ERBIN: variants seen among roughly 807,000 people sequenced by gnomAD.
ERBIN encodes the protein densin-180-like protein.
A neutral mutation model predicts 158.4 loss-of-function variants in ERBIN; 60 were observed. The ratio of observed to expected loss-of-function variants is 0.38; its 90% CI spans 0.31 to 0.47. The LOEUF is 0.47. ERBIN is among the 20% of genes least tolerant of loss of function. The pLI is 0.99. For synonymous variants in ERBIN, 594 were observed against 557.2 expected (o/e 1.07, Z -0.93); for missense variants, 1,610 against 1,648.0 (o/e 0.98, Z 0.40).
rs914131288 is a variant in ERBIN, at chr5:66,080,974, G to A, written c.*2444G>A. The stretch of plus-strand genomic sequence containing the variant: ...GACAAGGACTTTGAATTAGAATTTT[G>A]CTGTAATAAAGTTTCAAAATTTGAA... On this transcript the variant is annotated 3_prime_UTR_variant, in exon 26 of 26. Coordinates refer to ENST00000284037, the MANE Select transcript of ERBIN (RefSeq NM_001253697.2). 6.6e-6 allele frequency: 1 copy of A among 151,948 alleles called. No individual in the cohort carries two copies. Among genetic ancestry groups the A allele is most frequent in the Non-Finnish European group, 1.5e-5 (1 of 67,874 alleles). 9.4% of individuals were successfully genotyped at this position (151,948 alleles called of 1,614,324 possible).
rs575674398 is a variant in ERBIN at position 66,021,969 on chromosome 5, G to A, written c.597+584G>A. Among the ~76,000 whole-genome samples, 26 of 151,280 alleles carry A rather than the reference G, an allele frequency of 1.7e-4. No individual in the cohort carries two copies. The South Asian group carries it at 2.5e-3, about 15-fold the overall frequency. The stretch of plus-strand genomic sequence containing the variant: ...CCAAAAGAACTCAGAAAATAAGCTA[G>A]ATTTTTTTTTTTTTGAAGAGGAACT... On this transcript the variant is annotated intron_variant, in intron 8 of 25. Transcript: ENST00000284037.
intron 1 of ERBIN, among the ~76,000 whole-genome samples, chr5:65,930,311 C>T (rs1158341912): frequency 6.6e-6 from 1 of 151,876 alleles, no homozygotes; most frequent in African/African-American, 2.4e-5. Flanking sequence ...CAGTATATTG[C>T]TTTGTTTATT....
At chr5:65,933,488 C>A (rs1743695307) in intron 1 of ERBIN, among the ~76,000 whole-genome samples, 1 of 152,166 alleles carries the variant, frequency 6.6e-6, no homozygotes, top group Non-Finnish European at 1.5e-5. Flanking sequence ...ATCACACTGT[C>A]CAAGTGTCAC....
intron 1 of ERBIN, among the ~76,000 whole-genome samples, chr5:65,938,058 A>G (rs1471330212): frequency 6.6e-6 from 1 of 152,168 alleles, no homozygotes; most frequent in African/African-American, 2.4e-5. Context: ...GATGCCCTTT[A>G]GTGGCATTTA....
At chr5:65,956,801 A>G (rs1207452108) in intron 1 of ERBIN, among the ~76,000 whole-genome samples, 1 of 152,278 alleles carries the variant, frequency 6.6e-6, no homozygotes, top group Non-Finnish European at 1.5e-5. Context: ...CCTGAAGCAC[A>G]ACGTAGCTGG....
intron 1 of ERBIN, among the ~76,000 whole-genome samples, chr5:65,951,036 A>G (rs1238600174): frequency 1.3e-5 from 2 of 152,200 alleles, no homozygotes; most frequent in Non-Finnish European, 2.9e-5. Flanking sequence ...TTGTGAAGGT[A>G]CTGATCACCA....
chr5:65,985,985 G>T (rs1486511347), intron 1 of ERBIN, among the ~76,000 whole-genome samples: 1 of 151,872 alleles, frequency 6.6e-6, no homozygotes, highest in Middle Eastern at 3.2e-3. Context: ...CTTGGAGTGG[G>T]GTGTTTTCTT....
At chr5:66,046,671 C>A in intron 18 of ERBIN, 133 bp downstream of exon 18, 1 of 640,818 alleles carries the variant, frequency 1.6e-6, no homozygotes, top group Non-Finnish European at 2.5e-6. Flanking sequence ...TTCATATCTG[C>A]AAAAATATCA....
chr5:65,934,967 T>G (rs1454028596), intron 1 of ERBIN, among the ~76,000 whole-genome samples: 1 of 152,210 alleles, frequency 6.6e-6, no homozygotes, highest in Non-Finnish European at 1.5e-5. Flanking sequence ...TTAGATGTTC[T>G]AACATATCTT....
At chr5:65,992,588 T>A in intron 2 of ERBIN, 122 bp from the exon 3 acceptor site, 1 of 665,712 alleles carries the variant, frequency 1.5e-6, no homozygotes, top group Non-Finnish European at 2.4e-6. Flanking sequence ...TCCATTGTGC[T>A]TGTATAGTGG....
At chr5:65,941,619 A>C (rs1745056072) in intron 1 of ERBIN, among the ~76,000 whole-genome samples, 1 of 152,214 alleles carries the variant, frequency 6.6e-6, no homozygotes, top group South Asian at 2.1e-4. Context: ...AGTAGGCTTG[A>C]TGTAATTTAC....
intron 21 of ERBIN, among the ~76,000 whole-genome samples, chr5:66,058,729 G>C (rs1283288032): frequency 6.8e-6 from 1 of 148,144 alleles, no homozygotes; most frequent in Non-Finnish European, 1.5e-5. Flanking sequence ...GTAAGGAAGG[G>C]ATCCAGTTTC....
In ERBIN at chr5:66,053,466, AG is replaced by A; in HGVS notation, c.2149del (p.Glu717ArgfsTer19). ...QNGDILNSST[E>X]EKFKAHDKKD... ...ATGGAGATATTTTAAACAGTTCAAC[AG>A]AGGAAAAGTTCAAAGCTCATGATAA... is the stretch of plus-strand genomic sequence containing the variant. On this transcript the variant is annotated frameshift_variant, in exon 21 of 26. Transcript: ENST00000284037. LOFTEE classifies it high-confidence loss of function. The A allele has an allele frequency of 6.3e-7, 1 of 1,595,016 alleles. No homozygotes were observed. Among genetic ancestry groups the A allele is most frequent in the Non-Finnish European group, 8.5e-7 (1 of 1,174,348 alleles).
In ERBIN at chr5:65,992,878, G is replaced by A. The variant is rs368318786; in HGVS notation, c.160G>A (p.Asp54Asn). 75 of 1,606,832 alleles carry A rather than the reference G, an allele frequency of 4.7e-5. No homozygotes were observed. Among genetic ancestry groups the A allele is most frequent in the Non-Finnish European group, 6.2e-5 (73 of 1,177,950 alleles). ...AAAAACCTTGGAGGAACTCTATTTA[G>A]ATGCTAATCAGATTGAAGAGCTTCC... ...FEKTLEELYL[D>N]ANQIEELPKQ... The change falls in exon 3 of 26, where the codon GAT becomes AAT. Residue 54 changes from aspartate (D) to asparagine (N), a missense_variant. By Grantham distance (23) the Asp-to-Asn change is conservative (BLOSUM62 1). This residue lies in a region of ERBIN where 596 missense variants were observed against 711.9 expected (regional missense o/e 0.84). Coordinates refer to ENST00000284037, the MANE Select transcript of ERBIN (RefSeq NM_001253697.2).
chr5:66,059,274 TA>T (rs930577885), intron 21 of ERBIN, among the ~76,000 whole-genome samples: 32 of 152,314 alleles, frequency 2.1e-4, no homozygotes, highest in African/African-American at 7.5e-4. Flanking sequence ...GTTGGATTCC[TA>T]GGTGTTTTAT....
chr5:65,929,374 T>C (rs541989749), intron 1 of ERBIN, among the ~76,000 whole-genome samples: 6 of 152,352 alleles, frequency 3.9e-5, no homozygotes, highest in Admixed American at 3.3e-4. Flanking sequence ...TAAGCTGCTT[T>C]TGTTTTGGAA....
At chr5:66,071,245 T>C (rs1761500413) in intron 21 of ERBIN, among the ~76,000 whole-genome samples, 1 of 152,104 alleles carries the variant, frequency 6.6e-6, no homozygotes, top group Non-Finnish European at 1.5e-5. Flanking sequence ...ACACCACAAC[T>C]GTTATCCCAG....
chr5:66,043,566 G>T (rs1758128159), intron 16 of ERBIN, among the ~76,000 whole-genome samples: 2 of 151,622 alleles, frequency 1.3e-5, no homozygotes, highest in African/African-American at 4.8e-5. Flanking sequence ...TTTCTTTAAT[G>T]ATTTATTTTT....
intron 25 of ERBIN, among the ~76,000 whole-genome samples, chr5:66,077,271 T>C (rs1292362761): frequency 6.6e-6 from 1 of 152,186 alleles, no homozygotes; most frequent in Non-Finnish European, 1.5e-5. Context: ...TATTGTCCTT[T>C]CAGAAATGGA....
Sources: allele counts gnomAD v4.1 joint callset (sites outside exome capture counted in the v4.1 genomes callset), GRCh38; gene constraint gnomAD v4.1.1; regional missense constraint gnomAD v4.1.1; transcripts MANE v1.5; gene names NCBI Gene and HGNC (gene_info 2026-07-23, HGNC 2026-07-21).